IQCM: variants seen among roughly 807,000 people sequenced by gnomAD.
IQCM encodes IQ domain-containing protein M.
Under a neutral mutation model 57.6 loss-of-function variants are expected in IQCM, and 45 were observed. The observed-to-expected ratio is 0.78, with a 90% confidence interval of 0.62 to 1.00. IQCM has a LOEUF of 1.00. IQCM is among the 50% of genes least tolerant of loss of function. The pLI, the probability that IQCM is intolerant of heterozygous loss-of-function variation, is 0.00. For missense variants in IQCM, 468 were observed against 511.6 expected, an observed-to-expected ratio of 0.91 and a Z score of 0.82; for synonymous variants, 148 against 158.9, an observed-to-expected ratio of 0.93 and a Z score of 0.51.
intron 7 of IQCM, among the ~76,000 whole-genome samples, chr4:149,651,973 A>G (rs1024406969): frequency 3.9e-5 from 6 of 152,230 alleles, no homozygotes; most frequent in Non-Finnish European, 8.8e-5. Context: ...AGGATGATAA[A>G]TCATTCTACT....
chr4:149,725,438 A>G (rs901966980), intron 5 of IQCM, among the ~76,000 whole-genome samples: 4 of 152,172 alleles, frequency 2.6e-5, no homozygotes, highest in Admixed American at 2.6e-4. Context: ...TGAGATAAAA[A>G]CTTTGAAAAA....
intron 7 of IQCM, among the ~76,000 whole-genome samples, chr4:149,679,591 C>A (rs113248478): frequency 2.0e-5 from 3 of 151,162 alleles, no homozygotes; most frequent in Non-Finnish European, 3.0e-5. Context: ...TTGATCTTTA[C>A]AAATTACATG....
intron 2 of IQCM, among the ~76,000 whole-genome samples, chr4:149,772,020 G>C (rs1369260623): frequency 3.3e-5 from 5 of 152,068 alleles, no homozygotes; most frequent in Non-Finnish European, 7.4e-5. Flanking sequence ...AAAATGTCCT[G>C]GCTGAAATGA....
intron 12 of IQCM, among the ~76,000 whole-genome samples, chr4:149,528,342 C>T (rs749311667): frequency 6.6e-6 from 1 of 152,058 alleles, no homozygotes; most frequent in Non-Finnish European, 1.5e-5. Context: ...CATGTAGAAC[C>T]CAAAAAGCTT....
chr4:149,546,756 C>G (rs1457164340), intron 12 of IQCM, among the ~76,000 whole-genome samples: 1 of 152,018 alleles, frequency 6.6e-6, no homozygotes, highest in Non-Finnish European at 1.5e-5. Context: ...AAAATTTTCT[C>G]CCATTCTGTA....
intron 12 of IQCM, among the ~76,000 whole-genome samples, chr4:149,486,320 T>C (rs905687547): frequency 6.6e-6 from 1 of 152,082 alleles, no homozygotes; most frequent in South Asian, 2.1e-4. Context: ...TGACATTCTA[T>C]TGTATTGTGG....
At chr4:149,608,508 G>T (rs1237789616) in intron 8 of IQCM, among the ~76,000 whole-genome samples, 1 of 151,786 alleles carries the variant, frequency 6.6e-6, no homozygotes, top group East Asian at 1.9e-4. Flanking sequence ...TAAACTATAT[G>T]TTATGCCACA....
intron 5 of IQCM, among the ~76,000 whole-genome samples, chr4:149,731,466 T>C (rs1203268865): frequency 6.6e-6 from 1 of 152,214 alleles, no homozygotes; most frequent in Non-Finnish European, 1.5e-5. Flanking sequence ...AGTCTGTTTA[T>C]AAATTATTCA....
intron 13 of IQCM, among the ~76,000 whole-genome samples, chr4:149,424,890 A>T (rs1277931791): frequency 6.6e-6 from 1 of 151,998 alleles, no homozygotes; most frequent in Admixed American, 6.6e-5. Context: ...ATTCTAAAAG[A>T]ATATACTGAT....
At position 149,600,091 on chromosome 4, in the gene IQCM, A is replaced by G. The variant is rs536008779; in HGVS notation, c.682-12094T>C. On this transcript the variant is annotated intron_variant, in intron 8 of 13. Transcript: ENST00000636793. ...AGTTATAAATTGGACAGTATTTTTA[A>G]AAATCGAATTAAATCCTTTTTACTT... Among the ~76,000 whole-genome samples the G allele has an allele frequency of 7.4e-4, 113 of 152,294 alleles. 1 individual carries two copies. The highest frequency in any genetic ancestry group is 2.6e-3 in the African/African-American group (108 of 41,568).
chr4:149,450,125 A>G (rs894709026), intron 12 of IQCM, among the ~76,000 whole-genome samples: 2 of 151,872 alleles, frequency 1.3e-5, no homozygotes, highest in Non-Finnish European at 2.9e-5. Context: ...AATTTCTTCA[A>G]TAAGTTGTAC....
intron 2 of IQCM, among the ~76,000 whole-genome samples, chr4:149,800,270 TA>T (rs1172003447): frequency 6.6e-6 from 1 of 151,570 alleles, no homozygotes; most frequent in African/African-American, 2.4e-5. Context: ...AATTAACACC[TA>T]AAAAAGTATT....
At chr4:149,491,525 C>A (rs1039550954) in intron 12 of IQCM, among the ~76,000 whole-genome samples, 1 of 152,002 alleles carries the variant, frequency 6.6e-6, no homozygotes, top group Non-Finnish European at 1.5e-5. Context: ...TGTTTTTCTG[C>A]GCCTGGTTTA....
intron 13 of IQCM, among the ~76,000 whole-genome samples, chr4:149,409,598 G>T (rs1419408500): frequency 6.6e-6 from 1 of 152,182 alleles, no homozygotes; most frequent in East Asian, 1.9e-4. Context: ...GTGACATAGG[G>T]TGTAACTGTT....
chr4:149,352,460 C>G (rs1459160215), intron 13 of IQCM, among the ~76,000 whole-genome samples: 3 of 152,100 alleles, frequency 2.0e-5, no homozygotes, highest in Non-Finnish European at 2.9e-5. Flanking sequence ...ATGTTGAATC[C>G]ACATGAATGA....
chr4:149,501,730 G>C (rs1396516893), intron 12 of IQCM, among the ~76,000 whole-genome samples: 1 of 152,096 alleles, frequency 6.6e-6, no homozygotes, highest in Non-Finnish European at 1.5e-5. Flanking sequence ...ACTAACTTTG[G>C]AGAATAAACA....
At position 149,433,382 on chromosome 4, in the gene IQCM, G is replaced by T. The variant is rs1735050059; in HGVS notation, c.1390+14C>A. 1.7e-6 allele frequency: 2 copies of T among 1,152,344 alleles called. No homozygotes were observed. The highest frequency in any genetic ancestry group is 1.1e-6 in the Non-Finnish European group (1 of 916,360). The allele number at this position is 1,152,344 out of a possible 1,614,324, so 71.4% of individuals were successfully genotyped here. On this transcript the variant is annotated intron_variant, in intron 13 of 13. Coordinates refer to ENST00000636793, the MANE Select transcript of IQCM (RefSeq NM_001363507.2). ...CTTCTTCTTTACAATAAAAAATAAG[G>T]TTCAATATCTTACCTATATATCTAT...
At chr4:149,399,742 G>C (rs1204639637) in intron 13 of IQCM, among the ~76,000 whole-genome samples, 1 of 152,014 alleles carries the variant, frequency 6.6e-6, no homozygotes, top group Non-Finnish European at 1.5e-5. Flanking sequence ...TAATTACCCT[G>C]TGTCTCAGTT....
intron 12 of IQCM, among the ~76,000 whole-genome samples, chr4:149,458,089 A>G (rs567806644): frequency 6.6e-6 from 1 of 152,190 alleles, no homozygotes; most frequent in Non-Finnish European, 1.5e-5. Context: ...TAGCTTTGTA[A>G]GTACCACAGG....
Sources: allele counts gnomAD v4.1 joint callset (sites outside exome capture counted in the v4.1 genomes callset), GRCh38; gene constraint gnomAD v4.1.1; transcripts MANE v1.5; gene names NCBI Gene and HGNC (gene_info 2026-07-23, HGNC 2026-07-21).